C12orf42: variants seen among roughly 807,000 people sequenced by gnomAD.
C12orf42 encodes uncharacterized protein C12orf42.
In C12orf42, 25 loss-of-function variants were observed where a neutral mutation model predicts 21.6. The observed-to-expected ratio is 1.16, with a 90% CI of 0.84 to 1.62. The LOEUF (loss-of-function observed/expected upper bound fraction) is 1.62, where lower values mean the gene tolerates loss of function less well. Among genes scored for constraint, C12orf42 ranks in the 40% most tolerant of loss-of-function variants. C12orf42 has a pLI of 0.00. For synonymous variants in C12orf42, 174 were observed against 175.0 expected (o/e 0.99, Z 0.05); for missense variants, 483 against 459.3 (o/e 1.05, Z -0.47).
the C12orf42 span, among the ~76,000 whole-genome samples, chr12:103,063,033 A>G: frequency 1.3e-5 from 2 of 152,208 alleles, 1 homozygote; most frequent in East Asian, 3.8e-4. Context: ...AGTTATGCAG[A>G]ATAAATACAT....
chr12:103,409,270 C>CA (rs1479340157), intron 2 of C12orf42, among the ~76,000 whole-genome samples: 1 of 152,212 alleles, frequency 6.6e-6, no homozygotes, highest in East Asian at 1.9e-4. Flanking sequence ...AGTTCTTCCC[C>CA]AAAAAACTGC....
intron 10 of C12orf42, among the ~76,000 whole-genome samples, chr12:103,246,612 T>A (rs1235764705): frequency 6.6e-6 from 1 of 152,018 alleles, no homozygotes; most frequent in Non-Finnish European, 1.5e-5. Flanking sequence ...GGAAATGAAG[T>A]CATAAAAGTA....
At chr12:103,372,304 T>C (rs2045321689) in intron 3 of C12orf42, among the ~76,000 whole-genome samples, 1 of 152,154 alleles carries the variant, frequency 6.6e-6, no homozygotes, top group African/African-American at 2.4e-5. Flanking sequence ...TGTTCATTGA[T>C]TTCCCACCAT....
At chr12:103,545,491 T>C in the C12orf42 span, among the ~76,000 whole-genome samples, 1 of 152,122 alleles carries the variant, frequency 6.6e-6, no homozygotes, top group Non-Finnish European at 1.5e-5. Flanking sequence ...AAAGGCAAGA[T>C]AGATGGTGGG....
chr12:103,543,656 C>T, the C12orf42 span, among the ~76,000 whole-genome samples: 1 of 151,874 alleles, frequency 6.6e-6, no homozygotes, highest in East Asian at 1.9e-4. Flanking sequence ...CACCCACTTC[C>T]CAGTGCCCCT....
chr12:103,333,978 G>C (rs181062950), intron 4 of C12orf42, among the ~76,000 whole-genome samples: 29 of 152,274 alleles, frequency 1.9e-4, no homozygotes, highest in Admixed American at 1.8e-3. Flanking sequence ...AACTTCAAGC[G>C]CTGCTTCTTA....
At chr12:103,376,883 T>TTC (rs141661735) in intron 3 of C12orf42, among the ~76,000 whole-genome samples, 28 of 150,232 alleles carry the variant, frequency 1.9e-4, no homozygotes, top group East Asian at 1.6e-3. Context: ...TGTGTTCTCA[T>TTC]TCTCTCTCTC....
the C12orf42 span, among the ~76,000 whole-genome samples, chr12:103,195,505 A>C: frequency 6.6e-6 from 1 of 152,126 alleles, no homozygotes; most frequent in Non-Finnish European, 1.5e-5. Context: ...ATGAGATGCT[A>C]TCTCATTGTG....
the C12orf42 span, among the ~76,000 whole-genome samples, chr12:103,532,434 A>G: frequency 1.3e-5 from 2 of 152,190 alleles, no homozygotes; most frequent in African/African-American, 4.8e-5. Flanking sequence ...AATATTGATT[A>G]TGGTTGTCCC....
the C12orf42 span, among the ~76,000 whole-genome samples, chr12:103,532,047 T>C: frequency 6.6e-6 from 1 of 152,220 alleles, no homozygotes; most frequent in African/African-American, 2.4e-5. Flanking sequence ...TTCCTTGCTA[T>C]CATGTTCTGC....
intron 2 of C12orf42, among the ~76,000 whole-genome samples, chr12:103,465,475 C>T (rs1302128165): frequency 1.3e-5 from 2 of 152,134 alleles, no homozygotes; most frequent in Admixed American, 6.5e-5. Flanking sequence ...GCTGAAGTTG[C>T]TTATCAGTGT....
the C12orf42 span, among the ~76,000 whole-genome samples, chr12:103,225,675 G>T: frequency 6.6e-6 from 1 of 152,158 alleles, no homozygotes; most frequent in African/African-American, 2.4e-5. Flanking sequence ...GGCAGGTGGG[G>T]ATAACTAAAA....
At chr12:103,356,851 C>T (rs560524742) in intron 4 of C12orf42, among the ~76,000 whole-genome samples, 21 of 151,774 alleles carry the variant, frequency 1.4e-4, no homozygotes, top group African/African-American at 3.9e-4. Flanking sequence ...TCATGTCCTT[C>T]GCCCACTTTT....
At chr12:103,359,684 C>A (rs924026562) in intron 4 of C12orf42, among the ~76,000 whole-genome samples, 1 of 151,962 alleles carries the variant, frequency 6.6e-6, no homozygotes, top group Non-Finnish European at 1.5e-5. Context: ...AATTCATCCA[C>A]CTCTTTTTTC....
At chr12:103,405,033 G>C (rs539767179) in intron 2 of C12orf42, among the ~76,000 whole-genome samples, 28 of 152,278 alleles carry the variant, frequency 1.8e-4, no homozygotes, top group Admixed American at 1.3e-4. Context: ...TGTCACTGAC[G>C]ATTTTGTAAC....
chr12:103,381,702 G>T (rs2046193101), intron 3 of C12orf42, among the ~76,000 whole-genome samples: 1 of 152,164 alleles, frequency 6.6e-6, no homozygotes, highest in Non-Finnish European at 1.5e-5. Flanking sequence ...CGGATCATGA[G>T]GTCAGGAGAT....
the C12orf42 span, among the ~76,000 whole-genome samples, chr12:103,533,150 A>G: frequency 6.6e-6 from 1 of 152,220 alleles, no homozygotes; most frequent in Non-Finnish European, 1.5e-5. Flanking sequence ...TTTTGCAACA[A>G]TGGTGGTTAT....
chr12:103,175,437 T>C, the C12orf42 span, among the ~76,000 whole-genome samples: 2 of 152,132 alleles, frequency 1.3e-5, no homozygotes, highest in Non-Finnish European at 2.9e-5. Flanking sequence ...GCAAAGCTCA[T>C]CCTAGCCAAG....
At chr12:103,368,133 C>G in intron 4 of C12orf42, 1 of 1,085,148 alleles carries the variant, frequency 9.2e-7, no homozygotes, top group South Asian at 1.3e-5. Flanking sequence ...TGGACAGTCG[C>G]AGGTTGTCAA....
Sources: allele counts gnomAD v4.1 joint callset (sites outside exome capture counted in the v4.1 genomes callset), GRCh38; gene constraint gnomAD v4.1.1; transcripts MANE v1.5; gene names NCBI Gene and HGNC (gene_info 2026-07-23, HGNC 2026-07-21).